The following DNAH11 variants were observed in gnomAD, a reference collection of about 807,000 sequenced individuals.
The protein encoded by DNAH11 is axonemal beta dynein heavy chain 11.
In DNAH11, 442 loss-of-function variants were observed where a neutral mutation model predicts 526.0. The observed-to-expected ratio is 0.84, with a 90% CI of 0.78 to 0.91. DNAH11 has a LOEUF of 0.91. Among genes scored for constraint, DNAH11 ranks in the 40% least tolerant of loss-of-function variants. The probability of loss-of-function intolerance (pLI) is 0.00; values close to 1 mark genes in which losing one functional copy is unlikely to be tolerated. For synonymous variants in DNAH11, 2,461 were observed against 1,935.9 expected (o/e 1.27, Z -7.12); for missense variants, 6,989 against 5,448.7 (o/e 1.28, Z -8.90).
intron 64 of DNAH11, among the ~76,000 whole-genome samples, chr7:21,817,731 T>G (rs537801812): frequency 4.6e-4 from 70 of 152,076 alleles, no homozygotes; most frequent in Middle Eastern, 3.4e-3. Flanking sequence ...GTCTGAATAC[T>G]TGGAGAAAAT....
intron 66 of DNAH11, among the ~76,000 whole-genome samples, chr7:21,847,442 C>T (rs1782460218): frequency 6.6e-6 from 1 of 152,126 alleles, no homozygotes. Flanking sequence ...CTTCTTTGAC[C>T]CATGTGTTAT....
At chr7:21,640,601 C>T (rs1772002396) in intron 28 of DNAH11, among the ~76,000 whole-genome samples, 1 of 152,000 alleles carries the variant, frequency 6.6e-6, no homozygotes, top group African/African-American at 2.4e-5. Flanking sequence ...AGTCATGAAA[C>T]AGTTTTATCT....
chr7:21,687,989 G>C (rs1783454436), intron 34 of DNAH11, among the ~76,000 whole-genome samples: 1 of 152,104 alleles, frequency 6.6e-6, no homozygotes, highest in Non-Finnish European at 1.5e-5. Flanking sequence ...TTGAGCCCAG[G>C]AGGTCAAGGC....
chr7:21,691,354 G>T (rs1421518079), intron 35 of DNAH11, among the ~76,000 whole-genome samples: 1 of 151,580 alleles, frequency 6.6e-6, no homozygotes, highest in Non-Finnish European at 1.5e-5. Flanking sequence ...TAGGGCTGGG[G>T]TGGGGGGAGC....
intron 30 of DNAH11, among the ~76,000 whole-genome samples, chr7:21,673,870 TC>T (rs1325850905): frequency 1.3e-5 from 2 of 152,134 alleles, no homozygotes; most frequent in Non-Finnish European, 2.9e-5. Flanking sequence ...AGAAAATACT[TC>T]CTACTTCTTC....
chr7:21,837,395 A>G (rs1038093214), intron 65 of DNAH11, among the ~76,000 whole-genome samples: 8 of 152,234 alleles, frequency 5.3e-5, no homozygotes, highest in Admixed American at 5.2e-4. Flanking sequence ...CTACTCAGTC[A>G]TAAAAAAGAA....
intron 28 of DNAH11, among the ~76,000 whole-genome samples, chr7:21,648,925 T>C (rs1183518504): frequency 6.6e-6 from 1 of 152,226 alleles, no homozygotes. Flanking sequence ...TTGACATCAG[T>C]GAGTTTGGGA....
At chr7:21,777,074 C>T (rs1787705188) in intron 56 of DNAH11, among the ~76,000 whole-genome samples, 1 of 152,030 alleles carries the variant, frequency 6.6e-6, no homozygotes, top group Non-Finnish European at 1.5e-5. Flanking sequence ...ATAACCACAC[C>T]TACGTTACCC....
chr7:21,773,357 A>G (rs1458669940), intron 55 of DNAH11, among the ~76,000 whole-genome samples: 1 of 138,526 alleles, frequency 7.2e-6, no homozygotes, highest in African/African-American at 2.8e-5. Context: ...TTTTTTTTTC[A>G]GTGACTTTGC....
intron 11 of DNAH11, 123 bp from the exon 12 acceptor site, chr7:21,589,085 G>C (rs1039765066): frequency 2.7e-6 from 2 of 737,132 alleles, no homozygotes; most frequent in Non-Finnish European, 4.0e-6. Flanking sequence ...ATTTGGTCTT[G>C]ACTGTTTCTC....
chr7:21,868,058 C>G, intron 72 of DNAH11, 51 bp downstream of exon 72: 2 of 1,274,294 alleles, frequency 1.6e-6, no homozygotes, highest in Non-Finnish European at 2.1e-6. Context: ...CCCTCCCTTT[C>G]ACCCCCACCC....
intron 53 of DNAH11, 137 bp downstream of exon 53, chr7:21,749,938 C>G: frequency 2.2e-6 from 3 of 1,355,322 alleles, no homozygotes; most frequent in South Asian, 1.4e-5. Flanking sequence ...ATAAACCTAA[C>G]TAATTTGAGG....
intron 5 of DNAH11, among the ~76,000 whole-genome samples, 181 bp from the exon 6 acceptor site, chr7:21,564,004 CA>C (rs760257445): frequency 2.8e-4 from 43 of 151,942 alleles, no homozygotes; most frequent in Non-Finnish European, 4.0e-4. Flanking sequence ...TACAGATGGA[CA>C]GCGTATAAGT....
chr7:21,673,472 A>G (rs995104496), intron 30 of DNAH11, among the ~76,000 whole-genome samples: 2 of 152,180 alleles, frequency 1.3e-5, no homozygotes, highest in Non-Finnish European at 2.9e-5. Context: ...AACTAGAGCA[A>G]TGGCCATCAG....
intron 18 of DNAH11, among the ~76,000 whole-genome samples, chr7:21,603,662 T>C (rs1429171530): frequency 4.6e-5 from 7 of 152,158 alleles, no homozygotes; most frequent in African/African-American, 1.7e-4. Flanking sequence ...CAGTTAGACA[T>C]GGAGCAAGAT....
intron 40 of DNAH11, among the ~76,000 whole-genome samples, chr7:21,709,734 G>A (rs550979900): frequency 1.6e-4 from 24 of 152,174 alleles, no homozygotes; most frequent in African/African-American, 5.8e-4. Flanking sequence ...GGAGAGAATC[G>A]TATCTGTTTA....
At chr7:21,711,980 G>A in intron 42 of DNAH11, 120 bp downstream of exon 42, 1 of 1,202,636 alleles carries the variant, frequency 8.3e-7, no homozygotes, top group Non-Finnish European at 1.2e-6. Context: ...ATCCATCTCT[G>A]GAAGGATTTT....
At chr7:21,679,614 T>G (rs1783056801) in intron 30 of DNAH11, among the ~76,000 whole-genome samples, 1 of 152,160 alleles carries the variant, frequency 6.6e-6, no homozygotes, top group Non-Finnish European at 1.5e-5. Context: ...TATTAATATT[T>G]TTATTTCTTT....
intron 55 of DNAH11, 134 bp from the exon 56 acceptor site, chr7:21,773,632 A>G: frequency 1.5e-6 from 1 of 678,276 alleles, no homozygotes; most frequent in Non-Finnish European, 2.4e-6. Flanking sequence ...TAAAGATTAA[A>G]TAAGTTTTCG....
Sources: allele counts gnomAD v4.1 joint callset (sites outside exome capture counted in the v4.1 genomes callset), GRCh38; gene constraint gnomAD v4.1.1; transcripts MANE v1.5; gene names NCBI Gene and HGNC (gene_info 2026-07-23, HGNC 2026-07-21).